Variants in EXOC1 observed in about 807,000 individuals in gnomAD.
EXOC1 encodes the protein SEC3-like 1.
EXOC1 carries 67 observed loss-of-function variants against 107.7 expected under a neutral mutation model. The observed-to-expected ratio is 0.62, with a 90% confidence interval of 0.51 to 0.76. EXOC1 has a LOEUF of 0.76. Ranked by LOEUF, EXOC1 falls within the 30% of genes least tolerant of loss-of-function variation. The pLI, the probability that EXOC1 is intolerant of heterozygous loss-of-function variation, is 0.00. For missense variants in EXOC1, 833 were observed against 1,055.7 expected (o/e 0.79, Z 2.92); for synonymous variants, 348 against 353.5 (o/e 0.98, Z 0.17).
At chr4:55,861,663 G>A (rs1208096775) in intron 3 of EXOC1, among the ~76,000 whole-genome samples, 1 of 152,138 alleles carries the variant, frequency 6.6e-6, no homozygotes, top group Admixed American at 6.6e-5. Flanking sequence ...TATCCCTAAG[G>A]AGCACCCAAT....
At chr4:55,882,034 G>T (rs186915150) in intron 9 of EXOC1, among the ~76,000 whole-genome samples, 8 of 152,198 alleles carry the variant, frequency 5.3e-5, no homozygotes, top group Non-Finnish European at 1.2e-4. Flanking sequence ...CAGAGAGCCA[G>T]TAGAGAAGAT....
intron 12 of EXOC1, among the ~76,000 whole-genome samples, chr4:55,890,895 T>C (rs1027213144): frequency 6.6e-6 from 1 of 152,094 alleles, no homozygotes; most frequent in Non-Finnish European, 1.5e-5. Context: ...ACCCAGCTAA[T>C]TTTTGTATTT....
chr4:55,882,124 G>A (rs1411030585), intron 9 of EXOC1, among the ~76,000 whole-genome samples: 1 of 125,336 alleles, frequency 8.0e-6, no homozygotes, highest in African/African-American at 3.1e-5. Context: ...GTTGTATTGT[G>A]TTTTGTTTTG....
In EXOC1 at chr4:55,893,781, G is replaced by A; in HGVS notation, c.1953+1G>A. 6.2e-7 allele frequency: 1 copy of A among 1,607,716 alleles called. No homozygotes were observed. The highest frequency in any genetic ancestry group is 8.5e-7 in the Non-Finnish European group (1 of 1,177,332). On this transcript the variant is annotated splice_donor_variant, in intron 15 of 18. Coordinates refer to ENST00000381295, the MANE Select transcript of EXOC1 (RefSeq NM_001024924.2). LOFTEE classifies it high-confidence loss of function. ...CAAAAGGAACTTTGACAAATGCATT[G>A]TAAGTTTTCTTTTTTAAAAAAATAC...
At chr4:55,875,597 CAGT>C in intron 8 of EXOC1, 1 of 985,168 alleles carries the variant, frequency 1.0e-6, no homozygotes, top group Non-Finnish European at 1.2e-6. Flanking sequence ...CCTGAGTAAA[CAGT>C]AGTAGAAGAA....
intron 3 of EXOC1, among the ~76,000 whole-genome samples, chr4:55,861,273 G>A (rs941209685): frequency 2.0e-5 from 3 of 152,106 alleles, no homozygotes. Flanking sequence ...TAGCACAAGA[G>A]AATACTTTGT....
rs2109520193 is a variant in EXOC1, at chr4:55,902,514, A to T, written c.2508A>T (p.Leu836Phe). 1.3e-6 allele frequency: 2 copies of T among 1,547,258 alleles called. No homozygotes were observed. The highest frequency in any genetic ancestry group is 4.8e-5 in the East Asian group (2 of 41,946). ...TCTACAAGAAAGTTGATAAACATTT[A>T]TGTGAAGAAGAGAACTTACTTCAGG... ...DNLYKKVDKH[L>F]CEEENLLQVV... The change falls in exon 18 of 19, where the codon TTA becomes TTT. Residue 836 changes from leucine (L) to phenylalanine (F), a missense_variant. Physicochemically the swap from Leu to Phe is conservative, Grantham distance 22 (BLOSUM62 0). Coordinates refer to ENST00000381295, the MANE Select transcript of EXOC1 (RefSeq NM_001024924.2).
rs1367829872 is a variant in EXOC1, at chr4:55,902,377, C to T, written c.2371C>T (p.Gln791Ter). The change falls in exon 18 of 19, where the codon CAG becomes TAG. Residue 791 changes from glutamine to a stop codon, truncating the protein, a stop_gained. Transcript: ENST00000381295. LOFTEE classifies it high-confidence loss of function. ...FFEGVEARVA[Q>*]GIREEEVSYQ... ...TGAAGGTGTTGAAGCTCGCGTGGCA[C>T]AGGGCATAAGGGAGGAGGAAGTAAG... The T allele has an allele frequency of 2.0e-6, 3 of 1,519,896 alleles. No homozygotes were observed. The highest frequency in any genetic ancestry group is 8.8e-7 in the Non-Finnish European group (1 of 1,138,760). The allele number at this position is 1,519,896 out of a possible 1,614,324, so 94.2% of individuals were successfully genotyped here. A position where few individuals can be genotyped will look rare whatever the true frequency, so the allele number is the denominator to read the frequency against.
intron 15 of EXOC1, 78 bp from the exon 16 acceptor site, chr4:55,896,639 C>T (rs1725241923): frequency 3.5e-6 from 4 of 1,141,328 alleles, no homozygotes; most frequent in Non-Finnish European, 4.9e-6. Flanking sequence ...ATATCTCCAT[C>T]TATATATTTT....
At chr4:55,865,646 T>G (rs1452610960) in intron 4 of EXOC1, among the ~76,000 whole-genome samples, 2 of 152,212 alleles carry the variant, frequency 1.3e-5, no homozygotes, top group African/African-American at 2.4e-5. Flanking sequence ...AGCTTGCTGT[T>G]CTGTCTTCAA....
At chr4:55,862,221 C>T (rs1383462056) in intron 3 of EXOC1, among the ~76,000 whole-genome samples, 5 of 152,166 alleles carry the variant, frequency 3.3e-5, no homozygotes, top group South Asian at 2.1e-4. Context: ...TTTTGCACTT[C>T]GTAACCCTGT....
chr4:55,863,063 G>A (rs756057260), intron 3 of EXOC1, among the ~76,000 whole-genome samples: 3 of 151,982 alleles, frequency 2.0e-5, no homozygotes, highest in African/African-American at 4.8e-5. Flanking sequence ...ACTACACCCG[G>A]CTAATTTTTG....
At chr4:55,875,558 T>C in intron 8 of EXOC1, 1 of 983,402 alleles carries the variant, frequency 1.0e-6, no homozygotes, top group African/African-American at 1.7e-5. Context: ...CTAGCTGGGT[T>C]ACCTTGAACA....
At chr4:55,900,678 A>G (rs1482771234) in intron 17 of EXOC1, 1 of 152,212 alleles carries the variant, frequency 6.6e-6, no homozygotes, top group Non-Finnish European at 1.5e-5. Flanking sequence ...GATCGAGACC[A>G]TCCTAGCTAA....
intron 10 of EXOC1, among the ~76,000 whole-genome samples, chr4:55,887,609 T>A (rs1724046839): frequency 6.6e-6 from 1 of 151,658 alleles, no homozygotes; most frequent in Non-Finnish European, 1.5e-5. Flanking sequence ...GAAAGAAAAC[T>A]AGTCAGGCAT....
chr4:55,877,464 T>C (rs1216980862), intron 8 of EXOC1: 1 of 983,200 alleles, frequency 1.0e-6, no homozygotes, highest in Non-Finnish European at 1.2e-6. Context: ...TATATTCTAC[T>C]TTTTTTTATC....
chr4:55,871,695 C>T (rs966590860), intron 7 of EXOC1, among the ~76,000 whole-genome samples, 154 bp from the exon 8 acceptor site: 1 of 152,182 alleles, frequency 6.6e-6, no homozygotes, highest in African/African-American at 2.4e-5. Flanking sequence ...ACTGTGAAAT[C>T]CCATTTTTCT....
rs1577697665 is a variant in EXOC1, at chr4:55,864,305, A to G, written c.334A>G (p.Ile112Val). 2 of 1,610,884 alleles carry G rather than the reference A, an allele frequency of 1.2e-6. No individual in the cohort carries two copies. The highest frequency in any genetic ancestry group is 1.1e-5 in the South Asian group (1 of 90,094). Residue 112 changes from isoleucine to valine, a missense_variant, in exon 4 of 19, where the codon ATT becomes GTT. By Grantham distance (29) the Ile-to-Val change is conservative. Around this residue, in one of 2 missense-constraint regions of EXOC1, gnomAD observed 617 missense variants for 701.3 expected, o/e 0.88. Transcript: ENST00000381295. ...CAGCACTGCTGAAAAGAATGCATTT[A>G]TTTCATGCATTTGGAAATTGAATCA... is the stretch of plus-strand genomic sequence containing the variant. ...ASSTAEKNAF[I>V]SCIWKLNQRY...
At chr4:55,876,774 T>G (rs2110346147) in intron 8 of EXOC1, 1 of 985,116 alleles carries the variant, frequency 1.0e-6, no homozygotes, top group South Asian at 4.7e-5. Context: ...TTGGTTGTTT[T>G]CTACCATTTT....
Sources: gnomAD v4.1 joint callset for allele counts (sites outside exome capture counted in the v4.1 genomes callset) on GRCh38, gnomAD v4.1.1 for gene constraint, gnomAD v4.1.1 regional missense constraint, MANE v1.5 for transcripts, NCBI Gene and HGNC (gene_info 2026-07-23, HGNC 2026-07-21) for gene names.